Variants in SLC25A17 observed in about 807,000 individuals in gnomAD.
SLC25A17 encodes the protein peroxisomal membrane protein PMP34.
In SLC25A17, 26 loss-of-function variants were observed where a neutral mutation model predicts 38.5. The observed-to-expected ratio is 0.68, with a 90% confidence interval of 0.50 to 0.94. SLC25A17 has a LOEUF of 0.94. Among genes scored for constraint, SLC25A17 ranks in the 40% least tolerant of loss-of-function variants. SLC25A17 has a pLI of 0.00. For synonymous variants in SLC25A17, 139 were observed against 136.2 expected, an observed-to-expected ratio of 1.02 and a Z score of -0.14; for missense variants, 333 against 372.7, an observed-to-expected ratio of 0.89 and a Z score of 0.88.
chr22:40,810,148 G>T (rs188269930), intron 1 of SLC25A17, among the ~76,000 whole-genome samples: 4 of 152,118 alleles, frequency 2.6e-5, no homozygotes, highest in Admixed American at 6.6e-5. Context: ...TTAGTCCCTG[G>T]TTCCTGATAC....
In SLC25A17 at chr22:40,770,908, T is replaced by G; in HGVS notation, c.850A>C (p.Met284Leu). The part of the protein sequence containing the change: ...LLQTVLTAAL[M>L]FLVYEKLTAA... Reference sequence around the variant, plus strand: ...GTCAGTTTCTCATAAACAAGGAACATGAGAGCAGCAGTGAGGACTGTCTGC... The same window carrying G: ...GTCAGTTTCTCATAAACAAGGAACAGGAGAGCAGCAGTGAGGACTGTCTGC... The change falls in exon 9 of 9, where the codon ATG becomes CTG. Residue 284 changes from methionine (M) to leucine (L), a missense_variant. By Grantham distance (15) the Met-to-Leu change is conservative. Coordinates refer to ENST00000435456, the MANE Select transcript of SLC25A17 (RefSeq NM_006358.4). 6.2e-7 allele frequency: 1 copy of G among 1,613,532 alleles called. No homozygotes were observed. The highest frequency in any genetic ancestry group is 8.5e-7 in the Non-Finnish European group (1 of 1,179,548).
chr22:40,797,014 A>T (rs1329211907), intron 2 of SLC25A17, among the ~76,000 whole-genome samples: 1 of 152,230 alleles, frequency 6.6e-6, no homozygotes, highest in Non-Finnish European at 1.5e-5. Context: ...AAAAAGGGAG[A>T]AAATTAAGAC....
chr22:40,797,935 C>T (rs530255226), intron 2 of SLC25A17: 34 of 154,466 alleles, frequency 2.2e-4, no homozygotes, highest in Non-Finnish European at 3.7e-4. Context: ...GGCTTTCCCA[C>T]CCTGACCTGG....
intron 1 of SLC25A17, among the ~76,000 whole-genome samples, chr22:40,811,024 G>A (rs1281562427): frequency 6.6e-6 from 1 of 151,470 alleles, no homozygotes; most frequent in African/African-American, 2.4e-5. Flanking sequence ...CCTCTGGGTG[G>A]AGGTCAATTA....
intron 8 of SLC25A17, among the ~76,000 whole-genome samples, chr22:40,772,029 A>AC (rs2057188964): frequency 6.6e-6 from 1 of 151,696 alleles, no homozygotes; most frequent in African/African-American, 2.4e-5. Context: ...AAAAAAAAAA[A>AC]ACAAAGCCAT....
At chr22:40,771,561 A>T (rs1241013021) in intron 8 of SLC25A17, among the ~76,000 whole-genome samples, 1 of 152,240 alleles carries the variant, frequency 6.6e-6, no homozygotes, top group African/African-American at 2.4e-5. Flanking sequence ...TTGTAACAAC[A>T]TGGATGGAAC....
chr22:40,782,614 G>A (rs1406189537), intron 4 of SLC25A17, among the ~76,000 whole-genome samples: 1 of 152,162 alleles, frequency 6.6e-6, no homozygotes. Context: ...GAAAATATGT[G>A]CAATGACCAT....
At chr22:40,781,541 G>C (rs1244974939) in intron 4 of SLC25A17, among the ~76,000 whole-genome samples, 1 of 151,972 alleles carries the variant, frequency 6.6e-6, no homozygotes, top group Non-Finnish European at 1.5e-5. Flanking sequence ...CACCGCACCC[G>C]GCCTAAAAGG....
intron 5 of SLC25A17, among the ~76,000 whole-genome samples, 176 bp from the exon 6 acceptor site, chr22:40,777,549 C>T (rs891614845): frequency 6.6e-6 from 1 of 152,086 alleles, no homozygotes; most frequent in Non-Finnish European, 1.5e-5. Flanking sequence ...TTTGGGAGGC[C>T]GAGGCGGGTG....
chr22:40,798,756 G>A (rs2057453423), intron 2 of SLC25A17, among the ~76,000 whole-genome samples: 1 of 149,928 alleles, frequency 6.7e-6, no homozygotes. Context: ...CACCTGAGAT[G>A]AGGAGTTCAA....
chr22:40,792,422 G>T, intron 4 of SLC25A17, 103 bp downstream of exon 4: 3 of 907,834 alleles, frequency 3.3e-6, no homozygotes, highest in African/African-American at 1.7e-5. Context: ...TGGAAAACTG[G>T]CTATATTCTT....
chr22:40,797,417 C>T, intron 2 of SLC25A17: 1 of 605,788 alleles, frequency 1.7e-6, no homozygotes, highest in South Asian at 1.5e-5. Context: ...TACATGCCTA[C>T]ATTAGCAATG....
intron 4 of SLC25A17, among the ~76,000 whole-genome samples, chr22:40,780,993 G>C (rs2057288398): frequency 6.6e-6 from 1 of 151,812 alleles, no homozygotes; most frequent in Non-Finnish European, 1.5e-5. Flanking sequence ...AAAAGAGGGA[G>C]ACTCCATCTC....
intron 1 of SLC25A17, among the ~76,000 whole-genome samples, chr22:40,810,923 C>CT (rs887882669): frequency 6.6e-6 from 1 of 152,034 alleles, no homozygotes; most frequent in Non-Finnish European, 1.5e-5. Flanking sequence ...CACATTCCCT[C>CT]TTTTTTTGTG....
At chr22:40,816,490 C>T (rs1280535608) in intron 1 of SLC25A17, among the ~76,000 whole-genome samples, 1 of 152,112 alleles carries the variant, frequency 6.6e-6, no homozygotes, top group Non-Finnish European at 1.5e-5. Context: ...TACACAAAGC[C>T]TAAAATATTT....
chr22:40,813,599 CTGTAGTCCCAGCTACTCGG>C (rs1383296429), intron 1 of SLC25A17, among the ~76,000 whole-genome samples: 2 of 151,788 alleles, frequency 1.3e-5, no homozygotes, highest in Non-Finnish European at 2.9e-5. Flanking sequence ...TGGCAGACAC[CTGTAGTCCCAGCTACTCGG>C]AAGGCTGAGG....
At position 40,784,237 on chromosome 22, in the gene SLC25A17, A is replaced by G. The variant is rs551632955; in HGVS notation, c.335-5112T>C. 3.3e-5 allele frequency among the ~76,000 whole-genome samples: 5 copies of G among 152,250 alleles called. 1 individual carries two copies. Among genetic ancestry groups the G allele is most frequent in the African/African-American group, 1.2e-4 (5 of 41,532 alleles). On this transcript the variant is annotated intron_variant, in intron 4 of 8. Coordinates refer to ENST00000435456, the MANE Select transcript of SLC25A17 (RefSeq NM_006358.4). ...ACACCCAATATATATTTGATGAACA[A>G]ACCATGATGAATAAATGGCTTGTGG...
chr22:40,772,154 A>C (rs965521184), intron 8 of SLC25A17, among the ~76,000 whole-genome samples: 3 of 152,186 alleles, frequency 2.0e-5, no homozygotes, highest in African/African-American at 7.2e-5. Flanking sequence ...AAAATTTTTA[A>C]AGAAAATGCC....
At chr22:40,813,717 G>A (rs1037012098) in intron 1 of SLC25A17, among the ~76,000 whole-genome samples, 1 of 152,112 alleles carries the variant, frequency 6.6e-6, no homozygotes, top group African/African-American at 2.4e-5. Flanking sequence ...GAGCGAGACT[G>A]AGTTTCAAAA....
Sources: gnomAD v4.1 joint callset for allele counts (sites outside exome capture counted in the v4.1 genomes callset) on GRCh38, gnomAD v4.1.1 for gene constraint, MANE v1.5 for transcripts, NCBI Gene and HGNC (gene_info 2026-07-23, HGNC 2026-07-21) for gene names.